Variants in PYGO1 observed in about 807,000 individuals in gnomAD.
PYGO1 encodes pygopus family PHD finger 1, also known as pygopus homolog 1.
A neutral mutation model predicts 29.5 loss-of-function variants in PYGO1; 6 were observed. The ratio of observed to expected loss-of-function variants is 0.20; its 90% confidence interval spans 0.11 to 0.40. PYGO1 has a LOEUF of 0.40. PYGO1 is among the 10% of genes least tolerant of loss of function. The pLI is 1.00. For synonymous variants in PYGO1, 186 were observed against 180.5 expected (o/e 1.03, Z -0.24); for missense variants, 515 against 514.9 (o/e 1.00, Z 0.00).
At chr15:55,585,526 A>G (rs118068203) in intron 1 of PYGO1, among the ~76,000 whole-genome samples, 311 of 152,318 alleles carry the variant, frequency 2.0e-3, no homozygotes, top group Non-Finnish European at 3.1e-3. Flanking sequence ...ACAAAATGAC[A>G]TTAAGAAAAT....
At chr15:55,587,780 G>A (rs2059055080) in intron 1 of PYGO1, 55 bp downstream of exon 1, 2 of 1,457,020 alleles carry the variant, frequency 1.4e-6, no homozygotes, top group Non-Finnish European at 1.8e-6. Context: ...CGGGCACGGG[G>A]CCCCGCGCAC....
chr15:55,568,447 A>G (rs771899341), intron 1 of PYGO1, among the ~76,000 whole-genome samples: 32 of 150,224 alleles, frequency 2.1e-4, no homozygotes, highest in Middle Eastern at 3.5e-3. Context: ...TTGAACGTTG[A>G]TTTTGTATCT....
chr15:55,550,835 C>T (rs1399815846), intron 1 of PYGO1, among the ~76,000 whole-genome samples: 1 of 151,506 alleles, frequency 6.6e-6, no homozygotes, highest in African/African-American at 2.4e-5. Context: ...TAACATGTTC[C>T]TTATTTCCTA....
chr15:55,555,991 C>A (rs1567052953), intron 1 of PYGO1, among the ~76,000 whole-genome samples: 1 of 151,972 alleles, frequency 6.6e-6, no homozygotes, highest in Non-Finnish European at 1.5e-5. Flanking sequence ...CACAGGAGCA[C>A]CCAGATTCAT....
chr15:55,563,459 T>G (rs1054033869), intron 1 of PYGO1, among the ~76,000 whole-genome samples: 1 of 150,704 alleles, frequency 6.6e-6, no homozygotes, highest in African/African-American at 2.4e-5. Context: ...CTCTGCATCC[T>G]GGGTTCACGT....
intron 1 of PYGO1, among the ~76,000 whole-genome samples, chr15:55,580,941 T>A (rs1161472983): frequency 6.6e-6 from 1 of 152,236 alleles, no homozygotes; most frequent in Non-Finnish European, 1.5e-5. Flanking sequence ...CTGAAACCTC[T>A]TCATTAATGT....
intron 1 of PYGO1, among the ~76,000 whole-genome samples, chr15:55,566,002 C>T (rs12904076): frequency 3.3e-5 from 5 of 152,184 alleles, no homozygotes; most frequent in South Asian, 2.1e-4. Context: ...AAGTTGGTCT[C>T]GAACTCCTGA....
chr15:55,544,794 T>A lies in PYGO1; in HGVS notation c.*1229A>T, dbSNP rs951155836. 4 of 152,142 alleles carry A rather than the reference T, an allele frequency of 2.6e-5. No individual in the cohort carries two copies. Among genetic ancestry groups the A allele is most frequent in the Non-Finnish European group, 5.9e-5 (4 of 68,034 alleles). The allele number at this position is 152,142 out of a possible 1,614,324, so 9.4% of individuals were successfully genotyped here. A position where few individuals can be genotyped will look rare whatever the true frequency, so the allele number is the denominator to read the frequency against. On this transcript the variant is annotated 3_prime_UTR_variant, in exon 3 of 3. Coordinates refer to ENST00000563719, the MANE Select transcript of PYGO1 (RefSeq NM_001367806.1). ...GTCAAACAGCACACATTTTTTTTTT[T>A]TGGCCACAGGTTATAATCTGCTCCA...
chr15:55,587,669 C>T (rs1424045144), intron 1 of PYGO1, among the ~76,000 whole-genome samples, 166 bp downstream of exon 1: 1 of 151,944 alleles, frequency 6.6e-6, no homozygotes, highest in South Asian at 2.1e-4. Flanking sequence ...CAGCGGGCGC[C>T]CGGGCCGCGC....
At chr15:55,557,867 C>T (rs7171229) in intron 1 of PYGO1, among the ~76,000 whole-genome samples, 57,405 of 151,988 alleles carry the variant, frequency 0.38, 13,874 homozygotes, top group Non-Finnish European at 0.55. Flanking sequence ...CTATTTATGA[C>T]ATACCCACAG....
intron 1 of PYGO1, among the ~76,000 whole-genome samples, chr15:55,568,476 G>A (rs1388225807): frequency 6.6e-6 from 1 of 151,940 alleles, no homozygotes; most frequent in African/African-American, 2.4e-5. Flanking sequence ...TGCTAAAATT[G>A]TTTATAAATT....
chr15:55,546,425 G>A lies in PYGO1; in HGVS notation c.858C>T (p.Asn286=), dbSNP rs1351055057. 2 of 1,613,998 alleles carry A rather than the reference G, an allele frequency of 1.2e-6. No individual in the cohort carries two copies. Among genetic ancestry groups the A allele is most frequent in the Admixed American group, 1.7e-5 (1 of 59,994 alleles). Residue 286 remains asparagine (N), a synonymous_variant, in exon 3 of 3, where the codon AAC becomes AAT. Coordinates refer to ENST00000563719, the MANE Select transcript of PYGO1 (RefSeq NM_001367806.1). ...TGGCTTCAGTGCTACTTGAACGGCT[G>A]TTCTCCTGATTTACTGCATTGTTTC... ...VNRNNAVNQE[N]SRSSSTEATN...
At chr15:55,550,782 A>G (rs1375416003) in intron 1 of PYGO1, among the ~76,000 whole-genome samples, 1 of 152,146 alleles carries the variant, frequency 6.6e-6, no homozygotes, top group Non-Finnish European at 1.5e-5. Context: ...GGAATGTTTG[A>G]TATATCTTGA....
At chr15:55,568,042 T>C (rs763343612) in intron 1 of PYGO1, among the ~76,000 whole-genome samples, 3 of 152,216 alleles carry the variant, frequency 2.0e-5, no homozygotes, top group East Asian at 1.9e-4. Flanking sequence ...TTGCTTAGGA[T>C]TGATTTGGCT....
intron 1 of PYGO1, among the ~76,000 whole-genome samples, chr15:55,575,992 T>A (rs1334485394): frequency 6.6e-6 from 1 of 152,174 alleles, no homozygotes. Context: ...AACTTTAGCA[T>A]CTTATTTTTG....
intron 1 of PYGO1, among the ~76,000 whole-genome samples, chr15:55,551,332 T>A (rs2058877834): frequency 6.6e-6 from 1 of 152,224 alleles, no homozygotes; most frequent in South Asian, 2.1e-4. Context: ...TATTGCTGTA[T>A]AACAAATTAC....
chr15:55,572,339 T>C (rs2058983538), intron 1 of PYGO1, among the ~76,000 whole-genome samples: 1 of 152,150 alleles, frequency 6.6e-6, no homozygotes, highest in African/African-American at 2.4e-5. Flanking sequence ...CTGGAAAAAC[T>C]GAATAACCAC....
At chr15:55,575,621 G>T (rs1167869403) in intron 1 of PYGO1, among the ~76,000 whole-genome samples, 1 of 152,140 alleles carries the variant, frequency 6.6e-6, no homozygotes, top group Non-Finnish European at 1.5e-5. Context: ...TGAATATGAT[G>T]CTTCTGTTCT....
intron 1 of PYGO1, among the ~76,000 whole-genome samples, chr15:55,583,431 A>C (rs1234073623): frequency 6.7e-6 from 1 of 149,444 alleles, no homozygotes; most frequent in African/African-American, 2.4e-5. Context: ...GATATTTGCT[A>C]TGTCTTTCTG....
Sources: allele counts gnomAD v4.1 joint callset (sites outside exome capture counted in the v4.1 genomes callset), GRCh38; gene constraint gnomAD v4.1.1; transcripts MANE v1.5; gene names NCBI Gene and HGNC (gene_info 2026-07-23, HGNC 2026-07-21).